Variants in PRKCB observed in about 807,000 individuals in gnomAD.
PRKCB encodes the protein protein kinase C beta type.
In PRKCB, 13 loss-of-function variants were observed where a neutral mutation model predicts 81.5. The observed-to-expected ratio is 0.16, with a 90% CI of 0.10 to 0.25. PRKCB has a LOEUF of 0.25. Among genes scored for constraint, PRKCB ranks in the 10% least tolerant of loss-of-function variants. The pLI, the probability that PRKCB is intolerant of heterozygous loss-of-function variation, is 1.00. For missense variants in PRKCB, 509 were observed against 875.7 expected (o/e 0.58, Z 5.29); for synonymous variants, 335 against 321.4 (o/e 1.04, Z -0.45).
At chr16:24,155,779 A>G (rs1257038606) in intron 10 of PRKCB, among the ~76,000 whole-genome samples, 1 of 152,134 alleles carries the variant, frequency 6.6e-6, no homozygotes, top group Non-Finnish European at 1.5e-5. Context: ...CTGTTCTATT[A>G]TCTGCTGAAG....
chr16:23,997,202 C>G (rs1382086189), intron 3 of PRKCB, among the ~76,000 whole-genome samples: 1 of 152,114 alleles, frequency 6.6e-6, no homozygotes, highest in African/African-American at 2.4e-5. Flanking sequence ...ATGAAGTTGG[C>G]TGGAGTGATT....
rs545382071 is a variant in PRKCB, at chr16:24,119,696, C to T, written c.919-4139C>T. On this transcript the variant is annotated intron_variant, in intron 8 of 16. Coordinates refer to ENST00000643927, the MANE Select transcript of PRKCB (RefSeq NM_002738.7). ...AGGACATAGCCCGAGAAAGGTGAGA[C>T]GGCTTCTGTCCTACCCTGGCTCTTT... is the stretch of plus-strand genomic sequence containing the variant. 2.2e-3 allele frequency among the ~76,000 whole-genome samples: 338 copies of T among 152,192 alleles called. 1 individual carries two copies. Among genetic ancestry groups the T allele is most frequent in the Admixed American group, 5.6e-3 (85 of 15,284 alleles).
At chr16:24,069,233 T>C (rs895679041) in intron 5 of PRKCB, among the ~76,000 whole-genome samples, 1 of 152,208 alleles carries the variant, frequency 6.6e-6, no homozygotes, top group Admixed American at 6.5e-5. Context: ...GTACATGAAA[T>C]GCAGGAGGTG....
At chr16:24,002,981 A>T (rs900102136) in intron 3 of PRKCB, among the ~76,000 whole-genome samples, 5 of 151,588 alleles carry the variant, frequency 3.3e-5, no homozygotes, top group Middle Eastern at 3.4e-3. Flanking sequence ...GGAGAGTGAG[A>T]CCCTCCCCGA....
intron 9 of PRKCB, among the ~76,000 whole-genome samples, chr16:24,126,922 C>G (rs556180272): frequency 6.6e-6 from 1 of 151,990 alleles, no homozygotes. Context: ...ATCATCCTGC[C>G]GTGGCCTCAG....
At chr16:24,203,368 T>A (rs1349296885) in intron 16 of PRKCB, 2 of 152,128 alleles carry the variant, frequency 1.3e-5, no homozygotes, top group Non-Finnish European at 2.9e-5. Context: ...TGCTGCATAG[T>A]AACCTGATAG....
At chr16:23,993,202 T>C (rs1315094636) in intron 3 of PRKCB, among the ~76,000 whole-genome samples, 5 of 151,986 alleles carry the variant, frequency 3.3e-5, no homozygotes, top group Non-Finnish European at 7.4e-5. Flanking sequence ...AGCAGAACCA[T>C]AGGGAATATG....
intron 2 of PRKCB, among the ~76,000 whole-genome samples, chr16:23,900,694 T>A (rs991718347): frequency 4.3e-5 from 6 of 140,380 alleles, no homozygotes; most frequent in Non-Finnish European, 9.2e-5. Flanking sequence ...TAGAGCAGCC[T>A]CATTCATTTT....
chr16:24,184,683 A>G (rs937481084), intron 13 of PRKCB, among the ~76,000 whole-genome samples: 13 of 152,154 alleles, frequency 8.5e-5, no homozygotes, highest in African/African-American at 3.1e-4. Flanking sequence ...ATAGTGACAA[A>G]TGTTGTTATC....
chr16:24,006,084 C>T (rs944166426), intron 3 of PRKCB, among the ~76,000 whole-genome samples: 2 of 152,142 alleles, frequency 1.3e-5, no homozygotes, highest in Admixed American at 6.5e-5. Flanking sequence ...TCCCTTCTTC[C>T]CTCTCTCACT....
chr16:24,110,651 G>T (rs1596552633), intron 7 of PRKCB, among the ~76,000 whole-genome samples: 1 of 151,570 alleles, frequency 6.6e-6, no homozygotes, highest in South Asian at 2.1e-4. Flanking sequence ...CAAGTAGCTG[G>T]GACTACTGGC....
chr16:23,890,526 G>C (rs1458875439), intron 2 of PRKCB, among the ~76,000 whole-genome samples: 2 of 152,178 alleles, frequency 1.3e-5, no homozygotes, highest in East Asian at 3.8e-4. Flanking sequence ...CCCCACTGAA[G>C]ACTTAGGAGC....
intron 7 of PRKCB, among the ~76,000 whole-genome samples, chr16:24,102,972 A>G (rs2141909074): frequency 6.6e-6 from 1 of 152,242 alleles, no homozygotes; most frequent in Non-Finnish European, 1.5e-5. Context: ...CTGCAGGTTC[A>G]AGCGACTCTC....
chr16:23,904,284 TTTTCC>T (rs1963524833), intron 2 of PRKCB, among the ~76,000 whole-genome samples: 1 of 152,186 alleles, frequency 6.6e-6, no homozygotes. Flanking sequence ...CTGTGCCTCA[TTTTCC>T]ACATAGGTGC....
Position 24,219,671 on chromosome 16 carries a change from C to T in PRKCB, c.*4855C>T, listed in dbSNP as rs1283458053. The T allele has an allele frequency of 2.6e-6, 3 of 1,160,446 alleles. No homozygotes were observed. Among genetic ancestry groups the T allele is most frequent in the African/African-American group, 2.1e-5 (1 of 46,852 alleles). 71.9% of individuals were successfully genotyped at this position (1,160,446 alleles called of 1,614,324 possible). A position where few individuals can be genotyped will look rare whatever the true frequency, so the allele number is the denominator to read the frequency against. On this transcript the variant is annotated 3_prime_UTR_variant, in exon 17 of 17. Transcript: ENST00000643927. ...AAATACAGCAACACACACACACACA[C>T]ACACACACACACACACACACACACA...
At chr16:24,125,191 G>A (rs533785819) in intron 9 of PRKCB, among the ~76,000 whole-genome samples, 20 of 151,892 alleles carry the variant, frequency 1.3e-4, no homozygotes, top group Non-Finnish European at 2.6e-4. Context: ...CTTCGTAGCC[G>A]TAATAATTTT....
At chr16:24,214,535 A>T in intron 16 of PRKCB, 123 bp from the exon 17 acceptor site, 1 of 773,612 alleles carries the variant, frequency 1.3e-6, no homozygotes, top group Non-Finnish European at 2.1e-6. Context: ...AACCTCTCTG[A>T]GTTTCTGAAA....
At chr16:24,086,544 G>A (rs967794678) in intron 5 of PRKCB, among the ~76,000 whole-genome samples, 8 of 152,124 alleles carry the variant, frequency 5.3e-5, no homozygotes, top group South Asian at 2.1e-4. Flanking sequence ...ATCACCCTGC[G>A]GATCCAATTA....
At position 24,217,281 on chromosome 16, in the gene PRKCB, T is replaced by G. The variant is rs548239016; in HGVS notation, c.*2465T>G. 1.8e-4 allele frequency: 175 copies of G among 985,438 alleles called. No homozygotes were observed. The highest frequency in any genetic ancestry group is 8.0e-4 in the Admixed American group (13 of 16,288). 61.0% of individuals were successfully genotyped at this position (985,438 alleles called of 1,614,324 possible). A position where few individuals can be genotyped will look rare whatever the true frequency, so the allele number is the denominator to read the frequency against. ...GCAGAAATAGATACTCAAGCCAAAGTCTGTTTTAGAGAAACTTTCCATGGA... is the reference window on the plus strand; with the variant it reads ...GCAGAAATAGATACTCAAGCCAAAGGCTGTTTTAGAGAAACTTTCCATGGA... On this transcript the variant is annotated 3_prime_UTR_variant, in exon 17 of 17. Coordinates refer to ENST00000643927, the MANE Select transcript of PRKCB (RefSeq NM_002738.7).
Sources: allele counts gnomAD v4.1 joint callset (sites outside exome capture counted in the v4.1 genomes callset), GRCh38; gene constraint gnomAD v4.1.1; transcripts MANE v1.5; gene names NCBI Gene and HGNC (gene_info 2026-07-23, HGNC 2026-07-21).